Variants in NAV2 observed in about 807,000 individuals in gnomAD.
NAV2 encodes the protein helicase, APC down-regulated 1.
In NAV2, 54 loss-of-function variants were observed where a neutral mutation model predicts 223.2. That is an observed-to-expected ratio of 0.24 (90% CI 0.19 to 0.30). NAV2 has a LOEUF of 0.30. Among genes scored for constraint, NAV2 ranks in the 10% least tolerant of loss-of-function variants. NAV2 has a pLI of 1.00. For missense variants in NAV2, 2,806 were observed against 3,147.5 expected, an observed-to-expected ratio of 0.89 and a Z score of 2.60; for synonymous variants, 1,279 against 1,239.3, an observed-to-expected ratio of 1.03 and a Z score of -0.67.
intron 1 of NAV2, among the ~76,000 whole-genome samples, chr11:19,509,581 C>T (rs16936840): frequency 0.12 from 17,624 of 152,122 alleles, 1,172 homozygotes; most frequent in East Asian, 0.22. Flanking sequence ...TTATTCAACC[C>T]GATATTGCAA....
At chr11:19,370,765 T>C (rs1364507338) in intron 1 of NAV2, among the ~76,000 whole-genome samples, 4 of 152,192 alleles carry the variant, frequency 2.6e-5, no homozygotes, top group African/African-American at 9.7e-5. Context: ...GATACATCAT[T>C]TGCAGTTGCT....
At chr11:19,546,020 G>A (rs555623146) in intron 1 of NAV2, among the ~76,000 whole-genome samples, 195 of 152,228 alleles carry the variant, frequency 1.3e-3, no homozygotes, top group African/African-American at 4.4e-3. Context: ...GGGGTAGGGG[G>A]TCTCTTCCTC....
At chr11:19,495,733 G>A (rs1156243739) in intron 1 of NAV2, among the ~76,000 whole-genome samples, 1 of 152,024 alleles carries the variant, frequency 6.6e-6, no homozygotes, top group Non-Finnish European at 1.5e-5. Context: ...TATATTGCAT[G>A]TAAATATACA....
chr11:19,735,045 C>T (rs1165097355), intron 1 of NAV2, among the ~76,000 whole-genome samples: 1 of 152,208 alleles, frequency 6.6e-6, no homozygotes, highest in Non-Finnish European at 1.5e-5. Context: ...TTAGTTTTCT[C>T]ATTTGTAAAT....
chr11:20,033,896 C>A (rs931175815), intron 11 of NAV2, among the ~76,000 whole-genome samples: 1 of 152,216 alleles, frequency 6.6e-6, no homozygotes, highest in Non-Finnish European at 1.5e-5. Flanking sequence ...CACGCTGCCA[C>A]TTTGTAGGGC....
At chr11:19,561,527 C>T (rs937657630) in intron 1 of NAV2, among the ~76,000 whole-genome samples, 3 of 152,200 alleles carry the variant, frequency 2.0e-5, no homozygotes, top group Non-Finnish European at 4.4e-5. Flanking sequence ...CAGTAAATTT[C>T]TCTTGTTAAT....
chr11:19,832,770 T>C (rs1019556781), intron 2 of NAV2, among the ~76,000 whole-genome samples, 169 bp downstream of exon 2: 1 of 152,208 alleles, frequency 6.6e-6, no homozygotes, highest in Admixed American at 6.5e-5. Flanking sequence ...ACCAGCTTGA[T>C]TTTATGCTTT....
chr11:19,644,393 G>A (rs578222144), intron 1 of NAV2, among the ~76,000 whole-genome samples: 9 of 152,322 alleles, frequency 5.9e-5, no homozygotes, highest in Middle Eastern at 3.4e-3. Context: ...CTGTTGCTGC[G>A]AGAAGCCTTT....
intron 10 of NAV2, among the ~76,000 whole-genome samples, chr11:19,949,605 C>A (rs764024791): frequency 1.6e-4 from 24 of 152,356 alleles, no homozygotes; most frequent in Non-Finnish European, 3.1e-4. Flanking sequence ...TGGAGGGGCC[C>A]TCCTTGACCA....
chr11:19,382,157 A>G (rs1169421519), intron 1 of NAV2, among the ~76,000 whole-genome samples: 2 of 152,186 alleles, frequency 1.3e-5, no homozygotes, highest in Non-Finnish European at 2.9e-5. Context: ...GTGCCTTTTT[A>G]ATCTAAGCTG....
chr11:19,347,809 A>G (rs1369969848), upstream of NAV2, among the ~76,000 whole-genome samples: 2 of 152,182 alleles, frequency 1.3e-5, no homozygotes, highest in Non-Finnish European at 2.9e-5. Flanking sequence ...GTTCATTTTC[A>G]TTCAAGTGTA....
chr11:19,741,008 T>C (rs755877872), intron 1 of NAV2, among the ~76,000 whole-genome samples: 2 of 152,210 alleles, frequency 1.3e-5, no homozygotes, highest in Non-Finnish European at 2.9e-5. Context: ...GGATGTGAGA[T>C]TGTAGCAAGA....
chr11:20,076,363 C>T (rs542251904), intron 22 of NAV2, among the ~76,000 whole-genome samples: 1 of 152,286 alleles, frequency 6.6e-6, no homozygotes, highest in Admixed American at 6.5e-5. Context: ...AGTGTGGATA[C>T]AGTAAGGAGC....
At position 19,437,753 on chromosome 11, in the gene NAV2, A is replaced by G. The variant is rs192400662; in HGVS notation, c.75+86726A>G. 3.1e-3 allele frequency among the ~76,000 whole-genome samples: 472 copies of G among 152,338 alleles called. 2 individuals are homozygous for G. Among genetic ancestry groups the G allele is most frequent in the Middle Eastern group, 6.8e-3 (2 of 294 alleles). On this transcript the variant is annotated intron_variant, in intron 1 of 37. Coordinates refer to the NAV2 transcript ENST00000360655. ...TTAAACTATGAAACGATGCATTCTC[A>G]TCACTTCAAATGTTTCTACCCATTA... is the stretch of plus-strand genomic sequence containing the variant.
chr11:19,964,726 C>T (rs1161628795), intron 10 of NAV2, among the ~76,000 whole-genome samples: 6 of 151,498 alleles, frequency 4.0e-5, no homozygotes, highest in Non-Finnish European at 5.9e-5. Context: ...GTCTCAAACT[C>T]CTAGCCTCAA....
At chr11:19,446,296 A>G (rs1851579722) in intron 1 of NAV2, among the ~76,000 whole-genome samples, 1 of 152,120 alleles carries the variant, frequency 6.6e-6, no homozygotes, top group African/African-American at 2.4e-5. Flanking sequence ...AATCATAGCT[A>G]TGGGTTCCTA....
chr11:19,838,605 A>G (rs2152930042), intron 2 of NAV2, among the ~76,000 whole-genome samples: 1 of 152,310 alleles, frequency 6.6e-6, no homozygotes, highest in Middle Eastern at 3.4e-3. Context: ...TGTAACTTCA[A>G]GGAAAAACTT....
intron 11 of NAV2, among the ~76,000 whole-genome samples, chr11:20,027,029 AG>A (rs2055154106): frequency 6.6e-6 from 1 of 152,220 alleles, no homozygotes; most frequent in Admixed American, 6.5e-5. Context: ...TGTCGATTAA[AG>A]TTGGCTATTA....
intron 1 of NAV2, among the ~76,000 whole-genome samples, chr11:19,754,283 T>C (rs1311022066): frequency 4.6e-5 from 7 of 152,186 alleles, no homozygotes; most frequent in Non-Finnish European, 7.3e-5. Flanking sequence ...TGCTTTTTAT[T>C]AATTAACTCC....
Sources: gnomAD v4.1 joint callset for allele counts (sites outside exome capture counted in the v4.1 genomes callset) on GRCh38, gnomAD v4.1.1 for gene constraint, MANE v1.5 for transcripts, NCBI Gene and HGNC (gene_info 2026-07-23, HGNC 2026-07-21) for gene names.